MRPL45: variants seen among roughly 807,000 people sequenced by gnomAD.
MRPL45 encodes the protein large ribosomal subunit protein mL45.
A neutral mutation model predicts 38.1 loss-of-function variants in MRPL45; 20 were observed. That is an observed-to-expected ratio of 0.53 (90% CI 0.37 to 0.76). MRPL45 has a LOEUF of 0.76. MRPL45 is among the 30% of genes least tolerant of loss of function. The probability of loss-of-function intolerance (pLI) is 0.00; values close to 1 mark genes in which losing one functional copy is unlikely to be tolerated. For synonymous variants in MRPL45, 105 were observed against 128.8 expected, an observed-to-expected ratio of 0.82 and a Z score of 1.25; for missense variants, 337 against 395.6, an observed-to-expected ratio of 0.85 and a Z score of 1.26.
At chr17:38,319,472 G>T (rs2037209468) in intron 5 of MRPL45, among the ~76,000 whole-genome samples, 1 of 152,060 alleles carries the variant, frequency 6.6e-6, no homozygotes, top group Non-Finnish European at 1.5e-5. Context: ...CGCCCTGCCT[G>T]GTTTTTCTTA....
intron 4 of MRPL45, among the ~76,000 whole-genome samples, chr17:38,307,145 T>C (rs1422614784): frequency 6.6e-6 from 1 of 152,070 alleles, no homozygotes; most frequent in East Asian, 1.9e-4. Context: ...GCAACTCCCC[T>C]GCCTCAGCCT....
At chr17:38,304,720 T>A (rs572297351) in intron 3 of MRPL45, among the ~76,000 whole-genome samples, 5 of 152,110 alleles carry the variant, frequency 3.3e-5, no homozygotes, top group African/African-American at 9.6e-5. Context: ...ATTTTTGTAT[T>A]TTTAGTAAAG....
At chr17:38,303,510 G>C (rs2037020541) in intron 3 of MRPL45, among the ~76,000 whole-genome samples, 1 of 151,462 alleles carries the variant, frequency 6.6e-6, no homozygotes, top group Admixed American at 6.6e-5. Context: ...TGGCCAGGCT[G>C]GTCTCGAACT....
chr17:38,321,607 C>T (rs932742076), intron 6 of MRPL45, among the ~76,000 whole-genome samples: 1 of 152,026 alleles, frequency 6.6e-6, no homozygotes, highest in African/African-American at 2.4e-5. Context: ...AGGAGAATCG[C>T]TTGAACCTGG....
chr17:38,322,371 C>T lies in MRPL45; in HGVS notation c.834+72C>T, dbSNP rs2037239789. On this transcript the variant is annotated intron_variant, in intron 7 of 7. Transcript: ENST00000613675. ...TCTCCTAAGCCACTCTGTCGGGCTC[C>T]ACCTAGTGGCGAGAGGGGGTGATGC... is the stretch of plus-strand genomic sequence containing the variant. 3.4e-6 allele frequency: 5 copies of T among 1,462,602 alleles called. No homozygotes were observed. In the Admixed American group the frequency reaches 9.5e-5, roughly 28 times the overall value. The allele number at this position is 1,462,602 out of a possible 1,614,324, so 90.6% of individuals were successfully genotyped here.
At chr17:38,308,430 G>GT (rs372787033) in intron 4 of MRPL45, among the ~76,000 whole-genome samples, 13 of 147,280 alleles carry the variant, frequency 8.8e-5, no homozygotes, top group African/African-American at 1.0e-4. Context: ...TCAAAACATT[G>GT]TTTTTTTTTT....
intron 3 of MRPL45, among the ~76,000 whole-genome samples, chr17:38,302,503 AAAG>A (rs2144205057): frequency 1.4e-5 from 2 of 144,458 alleles, no homozygotes; most frequent in Non-Finnish European, 3.0e-5. Flanking sequence ...AAAAAAAAAA[AAAG>A]TTTGTTTTTT....
At chr17:38,297,501 G>T (rs1215371698) in intron 1 of MRPL45, among the ~76,000 whole-genome samples, 2 of 152,134 alleles carry the variant, frequency 1.3e-5, no homozygotes, top group Admixed American at 1.3e-4. Flanking sequence ...TCTGTCTGGC[G>T]AGGAGATATT....
chr17:38,308,919 T>G (rs1194454357), intron 4 of MRPL45, among the ~76,000 whole-genome samples: 5 of 151,942 alleles, frequency 3.3e-5, no homozygotes, highest in Non-Finnish European at 7.4e-5. Flanking sequence ...ATTTATGTTT[T>G]TTTTTTGAGA....
intron 6 of MRPL45, among the ~76,000 whole-genome samples, chr17:38,320,975 C>A (rs535872736): frequency 2.2e-4 from 18 of 81,662 alleles, no homozygotes; most frequent in African/African-American, 4.4e-4. Flanking sequence ...CCCACTCTTC[C>A]TGATTTTTTT....
chr17:38,304,187 A>G (rs4368202), intron 3 of MRPL45, among the ~76,000 whole-genome samples: 7,116 of 152,260 alleles, frequency 0.047, 208 homozygotes, highest in Middle Eastern at 0.26. Context: ...GTACTGCTCA[A>G]AGTCTGGGCA....
intron 4 of MRPL45, among the ~76,000 whole-genome samples, chr17:38,307,379 G>A (rs2037065974): frequency 6.6e-6 from 1 of 151,600 alleles, no homozygotes; most frequent in African/African-American, 2.4e-5. Context: ...GCACAGTCTG[G>A]AATGCAGTGG....
At position 38,313,510 on chromosome 17, in the gene MRPL45, C is replaced by T. The variant is rs564233955; in HGVS notation, c.462-5177C>T. Among the ~76,000 whole-genome samples the T allele has an allele frequency of 4.6e-4, 68 of 148,878 alleles. 1 individual carries two copies. The highest frequency in any genetic ancestry group is 4.0e-3 in the Admixed American group (59 of 14,744). On this transcript the variant is annotated intron_variant, in intron 4 of 7. Coordinates refer to ENST00000613675, the MANE Select transcript of MRPL45 (RefSeq NM_032351.6). ...ATGCTAGGACTACAGGTGTGAGCCA[C>T]CATGCCCAGCCTTTTTCTTTTTATA... is the stretch of plus-strand genomic sequence containing the variant.
intron 5 of MRPL45, among the ~76,000 whole-genome samples, chr17:38,319,357 A>T (rs2037208258): frequency 6.6e-6 from 1 of 151,340 alleles, no homozygotes; most frequent in Admixed American, 6.6e-5. Flanking sequence ...TTTAGTAGAG[A>T]CGGGGTTTCT....
At position 38,322,813 on chromosome 17, in the gene MRPL45, T is replaced by C. The variant is rs1479275407; in HGVS notation, c.*218T>C. ...ATGGACACTCTTCTTTTTTAAATTT[T>C]ATGTCTAGCTTCTGAGTCTAGATGA... is the stretch of plus-strand genomic sequence containing the variant. On this transcript the variant is annotated 3_prime_UTR_variant, in exon 8 of 8. Coordinates refer to ENST00000613675, the MANE Select transcript of MRPL45 (RefSeq NM_032351.6). 1.9e-5 allele frequency: 10 copies of C among 529,422 alleles called. No homozygotes were observed. Among genetic ancestry groups the C allele is most frequent in the Non-Finnish European group, 3.0e-5 (9 of 300,184 alleles). The allele number at this position is 529,422 out of a possible 1,614,324, so 32.8% of individuals were successfully genotyped here.
rs151188461 is a variant in MRPL45, at chr17:38,318,068, C to T, written c.462-619C>T. Among the ~76,000 whole-genome samples the T allele has an allele frequency of 1.4e-3, 213 of 151,712 alleles. 1 individual carries two copies. The East Asian group carries it at 0.017, about 12-fold the overall frequency. On this transcript the variant is annotated intron_variant, in intron 4 of 7. Transcript: ENST00000613675. ...ACTAAAAATACAAAAATTAGGTGGGCGTCATGACGTGCACTTGTAGTCCCA... is the reference window on the plus strand; with the variant it reads ...ACTAAAAATACAAAAATTAGGTGGGTGTCATGACGTGCACTTGTAGTCCCA...
At chr17:38,309,570 G>A (rs1215745230) in intron 4 of MRPL45, among the ~76,000 whole-genome samples, 1 of 150,628 alleles carries the variant, frequency 6.6e-6, no homozygotes, top group Non-Finnish European at 1.5e-5. Flanking sequence ...TTAGTATTCA[G>A]CAATTTACTA....
At chr17:38,300,470 G>C (rs1483664365) in intron 3 of MRPL45, among the ~76,000 whole-genome samples, 2 of 152,138 alleles carry the variant, frequency 1.3e-5, no homozygotes, top group Non-Finnish European at 2.9e-5. Context: ...AGCCAGTCTA[G>C]CTCTGACTGT....
intron 4 of MRPL45, among the ~76,000 whole-genome samples, chr17:38,308,596 A>G (rs9907864): frequency 0.87 from 132,416 of 151,694 alleles, 58,184 homozygotes; most frequent in South Asian, 0.93. Context: ...ACGCACCACC[A>G]CACCTGACTA....
Sources: allele counts gnomAD v4.1 joint callset (sites outside exome capture counted in the v4.1 genomes callset), GRCh38; gene constraint gnomAD v4.1.1; transcripts MANE v1.5; gene names NCBI Gene and HGNC (gene_info 2026-07-23, HGNC 2026-07-21).